DBT: variants seen among roughly 807,000 people sequenced by gnomAD.
The protein encoded by DBT is lipoamide acyltransferase component of branched-chain alpha-keto acid dehydrogenase complex, mitochondrial.
A neutral mutation model predicts 51.3 loss-of-function variants in DBT; 40 were observed. The observed-to-expected ratio is 0.78, with a 90% CI of 0.61 to 1.02. DBT has a LOEUF of 1.02. Among genes scored for constraint, DBT ranks in the 50% least tolerant of loss-of-function variants. The pLI, the probability that DBT is intolerant of heterozygous loss-of-function variation, is 0.00. For missense variants in DBT, 510 were observed against 580.2 expected, an observed-to-expected ratio of 0.88 and a Z score of 1.24; for synonymous variants, 181 against 190.4, an observed-to-expected ratio of 0.95 and a Z score of 0.41.
At chr1:100,211,300 T>G (rs1018311204) in intron 7 of DBT, among the ~76,000 whole-genome samples, 2 of 152,218 alleles carry the variant, frequency 1.3e-5, no homozygotes, top group African/African-American at 4.8e-5. Context: ...TCTCACTGAA[T>G]AGCATTTATA....
chr1:100,210,093 C>T (rs1662042681), intron 8 of DBT, among the ~76,000 whole-genome samples: 1 of 151,770 alleles, frequency 6.6e-6, no homozygotes, highest in South Asian at 2.1e-4. Flanking sequence ...AGGAGGATTG[C>T]TTAGACCAGA....
At chr1:100,210,435 C>G in intron 8 of DBT, 1 of 287,252 alleles carries the variant, frequency 3.5e-6, no homozygotes, top group South Asian at 5.9e-5. Context: ...GTAACATAAT[C>G]TGCCATACAG....
chr1:100,232,255 T>G (rs563079272), intron 3 of DBT, among the ~76,000 whole-genome samples: 5 of 151,776 alleles, frequency 3.3e-5, no homozygotes, highest in African/African-American at 1.2e-4. Flanking sequence ...TTTGATGGGT[T>G]TATGACTTAT....
At chr1:100,228,079 A>C (rs1663326954) in intron 4 of DBT, among the ~76,000 whole-genome samples, 2 of 152,008 alleles carry the variant, frequency 1.3e-5, no homozygotes, top group Admixed American at 1.3e-4. Context: ...CAAACTCCTG[A>C]CCTCAAGTGA....
intron 2 of DBT, 67 bp downstream of exon 2, chr1:100,240,694 C>T: frequency 7.5e-7 from 1 of 1,339,530 alleles, no homozygotes; most frequent in Non-Finnish European, 1.1e-6. Flanking sequence ...CAATCAACTA[C>T]TAAAAAATAT....
chr1:100,215,000 T>G lies in DBT; in HGVS notation c.773-17A>C, dbSNP rs144978854. ...TTTGAAAGCCTGAAAAGCATTAAAT[T>G]GTTATTCATTTATTTAAATTCTCAA... is the stretch of plus-strand genomic sequence containing the variant. On this transcript the variant is annotated splice_polypyrimidine_tract_variant and intron_variant, in intron 6 of 10. Coordinates refer to ENST00000370132, the MANE Select transcript of DBT (RefSeq NM_001918.5). 10 of 1,586,004 alleles carry G rather than the reference T, an allele frequency of 6.3e-6. No individual in the cohort carries two copies. In the African/African-American group the frequency reaches 1.1e-4, roughly 17 times the overall value.
chr1:100,218,906 C>A (rs1168167918), intron 4 of DBT, among the ~76,000 whole-genome samples, 159 bp from the exon 5 acceptor site: 2 of 143,436 alleles, frequency 1.4e-5, no homozygotes, highest in African/African-American at 5.3e-5. Context: ...TAGGAAAACA[C>A]AACTATCCTA....
rs866522860 is a variant in DBT at position 100,195,640 on chromosome 1, G to A, written c.*615C>T. The A allele has an allele frequency of 2.0e-5, 3 of 153,824 alleles. No homozygotes were observed. The highest frequency in any genetic ancestry group is 3.4e-3 in the Middle Eastern group (1 of 296). 9.5% of individuals were successfully genotyped at this position (153,824 alleles called of 1,614,324 possible). A position where few individuals can be genotyped will look rare whatever the true frequency, so the allele number is the denominator to read the frequency against. On this transcript the variant is annotated 3_prime_UTR_variant, in exon 11 of 11. Transcript: ENST00000370132. Reference sequence around the variant, plus strand: ...ATAGGGCATATACTGTCTGTATATGGCTACCTGTCTTTTAGTAACATGAAT... The same window carrying A: ...ATAGGGCATATACTGTCTGTATATGACTACCTGTCTTTTAGTAACATGAAT...
At position 100,190,956 on chromosome 1, in the gene DBT, A is replaced by T. The variant is rs1570792325; in HGVS notation, c.*5299T>A. ...TTGTTTCAGACTAATCTGGTAATCC[A>T]GATATTTCACAGAAAGTGTCATGTA... On this transcript the variant is annotated 3_prime_UTR_variant, in exon 11 of 11. Coordinates refer to ENST00000370132, the MANE Select transcript of DBT (RefSeq NM_001918.5). 1 of 152,382 alleles carries T rather than the reference A, an allele frequency of 6.6e-6. No individual in the cohort carries two copies. The highest frequency in any genetic ancestry group is 2.1e-4 in the South Asian group (1 of 4,830). The allele number at this position is 152,382 out of a possible 1,614,324, so 9.4% of individuals were successfully genotyped here. A position where few individuals can be genotyped will look rare whatever the true frequency, so the allele number is the denominator to read the frequency against.
chr1:100,210,541 T>A, intron 8 of DBT, 153 bp downstream of exon 8: 1 of 1,032,198 alleles, frequency 9.7e-7, no homozygotes, highest in Non-Finnish European at 1.4e-6. Context: ...ACAACAACAA[T>A]GAATTAGACT....
chr1:100,217,678 C>T (rs1025192241), intron 5 of DBT, among the ~76,000 whole-genome samples: 3 of 152,178 alleles, frequency 2.0e-5, no homozygotes, highest in Non-Finnish European at 2.9e-5. Flanking sequence ...TTGTGGGGCA[C>T]AGTGGAAAGT....
intron 1 of DBT, among the ~76,000 whole-genome samples, chr1:100,247,059 T>C (rs753484072): frequency 3.5e-4 from 53 of 152,062 alleles, no homozygotes; most frequent in African/African-American, 1.2e-3. Flanking sequence ...TCTAGTGTAG[T>C]TTAGTGTGGA....
intron 1 of DBT, among the ~76,000 whole-genome samples, chr1:100,246,197 G>C (rs1041157624): frequency 6.6e-6 from 1 of 152,190 alleles, no homozygotes; most frequent in Non-Finnish European, 1.5e-5. Context: ...GGCGGAGGTT[G>C]CAGTGAGCTG....
At chr1:100,225,394 A>G (rs1663132375) in intron 4 of DBT, among the ~76,000 whole-genome samples, 1 of 152,134 alleles carries the variant, frequency 6.6e-6, no homozygotes, top group African/African-American at 2.4e-5. Flanking sequence ...ATCATGTTAT[A>G]GAGAATATTA....
At chr1:100,218,009 G>A (rs904334480) in intron 5 of DBT, among the ~76,000 whole-genome samples, 2 of 152,124 alleles carry the variant, frequency 1.3e-5, no homozygotes, top group South Asian at 2.1e-4. Flanking sequence ...ATGAGAATAC[G>A]TAAATACCTA....
chr1:100,204,455 G>C (rs184820694), intron 10 of DBT, among the ~76,000 whole-genome samples: 2,860 of 152,242 alleles, frequency 0.019, 38 homozygotes, highest in Non-Finnish European at 0.031. Flanking sequence ...AATACAAGGG[G>C]ACACAAACAA....
chr1:100,235,969 G>A (rs1461279506), intron 2 of DBT, among the ~76,000 whole-genome samples: 2 of 152,120 alleles, frequency 1.3e-5, no homozygotes, highest in Non-Finnish European at 2.9e-5. Flanking sequence ...AAATCAGGCA[G>A]TTCTATATCT....
At chr1:100,231,616 A>C (rs1208771910) in intron 3 of DBT, among the ~76,000 whole-genome samples, 2 of 152,196 alleles carry the variant, frequency 1.3e-5, no homozygotes, top group African/African-American at 4.8e-5. Flanking sequence ...TGTCCTAACC[A>C]GTCCTCAGCC....
intron 10 of DBT, among the ~76,000 whole-genome samples, chr1:100,204,054 C>T (rs1049469367): frequency 6.6e-6 from 1 of 152,144 alleles, no homozygotes; most frequent in Non-Finnish European, 1.5e-5. Flanking sequence ...GACAAGGATG[C>T]CCTCTCTCTC....
Sources: gnomAD v4.1 joint callset for allele counts (sites outside exome capture counted in the v4.1 genomes callset) on GRCh38, gnomAD v4.1.1 for gene constraint, MANE v1.5 for transcripts, NCBI Gene and HGNC (gene_info 2026-07-23, HGNC 2026-07-21) for gene names.